The following MTUS2 variants were observed in gnomAD, a reference collection of about 807,000 sequenced individuals.
The protein encoded by MTUS2 is microtubule associated scaffold protein 2, also known as microtubule-associated tumor suppressor candidate 2.
A neutral mutation model predicts 114.1 loss-of-function variants in MTUS2; 40 were observed. That is an observed-to-expected ratio of 0.35 (90% CI 0.27 to 0.46). The LOEUF (loss-of-function observed/expected upper bound fraction) is 0.46. Among genes scored for constraint, MTUS2 ranks in the 20% least tolerant of loss-of-function variants. The pLI, the probability that MTUS2 is intolerant of heterozygous loss-of-function variation, is 1.00. For missense variants in MTUS2, 1,679 were observed against 1,705.4 expected (o/e 0.98, Z 0.27); for synonymous variants, 688 against 672.0 (o/e 1.02, Z -0.37).
chr13:29,326,214 C>T (rs1200386873), intron 7 of MTUS2, among the ~76,000 whole-genome samples: 1 of 152,162 alleles, frequency 6.6e-6, no homozygotes, highest in African/African-American at 2.4e-5. Context: ...CAAGCCCTCC[C>T]CCAGGAACCT....
At chr13:29,367,390 A>G (rs1055412202) in intron 8 of MTUS2, among the ~76,000 whole-genome samples, 1 of 152,110 alleles carries the variant, frequency 6.6e-6, no homozygotes, top group African/African-American at 2.4e-5. Flanking sequence ...ATGGTGGGGA[A>G]TGAGGCTGAA....
intron 6 of MTUS2, among the ~76,000 whole-genome samples, chr13:29,284,461 G>A (rs144409647): frequency 1.3e-5 from 2 of 151,784 alleles, no homozygotes; most frequent in South Asian, 4.2e-4. Context: ...AGACTAAGAG[G>A]TACAGGTTAC....
chr13:28,939,609 C>G (rs1355792488), intron 2 of MTUS2, among the ~76,000 whole-genome samples: 1 of 151,970 alleles, frequency 6.6e-6, no homozygotes, highest in Non-Finnish European at 1.5e-5. Context: ...GTTATTGGTT[C>G]AGGATCAATT....
At chr13:29,159,258 TTAA>T (rs1892995608) in intron 5 of MTUS2, among the ~76,000 whole-genome samples, 1 of 152,202 alleles carries the variant, frequency 6.6e-6, no homozygotes, top group Non-Finnish European at 1.5e-5. Context: ...CGTACTAAAA[TTAA>T]TAGGTGATTT....
chr13:29,435,794 C>G (rs1877360724), intron 8 of MTUS2, among the ~76,000 whole-genome samples: 1 of 152,212 alleles, frequency 6.6e-6, no homozygotes, highest in African/African-American at 2.4e-5. Context: ...ATTTCAAAAA[C>G]AAGCACTTAT....
intron 7 of MTUS2, among the ~76,000 whole-genome samples, chr13:29,333,183 A>G (rs568363747): frequency 6.6e-6 from 1 of 152,028 alleles, no homozygotes; most frequent in South Asian, 2.1e-4. Context: ...TGCAGTTTTG[A>G]GTGAGTTTCT....
chr13:29,245,750 G>T (rs1460146872), intron 5 of MTUS2, among the ~76,000 whole-genome samples: 1 of 144,870 alleles, frequency 6.9e-6, no homozygotes, highest in African/African-American at 2.6e-5. Flanking sequence ...AGGCTGGAGT[G>T]CAGTGGCACG....
At chr13:28,894,422 A>G (rs1006768228) in intron 2 of MTUS2, among the ~76,000 whole-genome samples, 3 of 151,586 alleles carry the variant, frequency 2.0e-5, no homozygotes, top group Admixed American at 2.0e-4. Context: ...GAGGTTGACC[A>G]TCTGCAAGCC....
chr13:29,123,810 G>A (rs1234760713), intron 5 of MTUS2, among the ~76,000 whole-genome samples: 1 of 152,162 alleles, frequency 6.6e-6, no homozygotes, highest in Admixed American at 6.5e-5. Flanking sequence ...TCTCCTTAAA[G>A]GGTAAAACCC....
At chr13:29,274,265 C>T (rs1276413396) in intron 5 of MTUS2, among the ~76,000 whole-genome samples, 2 of 152,110 alleles carry the variant, frequency 1.3e-5, no homozygotes, top group African/African-American at 2.4e-5. Flanking sequence ...AGGTGCCCGC[C>T]ACAACTGGCT....
chr13:29,241,454 C>T (rs1399398146), intron 5 of MTUS2, among the ~76,000 whole-genome samples: 2 of 152,162 alleles, frequency 1.3e-5, no homozygotes. Context: ...TTCCCAGCAT[C>T]TAGCACAACG....
At chr13:29,191,749 T>C (rs994835094) in intron 5 of MTUS2, among the ~76,000 whole-genome samples, 2 of 152,076 alleles carry the variant, frequency 1.3e-5, no homozygotes, top group Non-Finnish European at 2.9e-5. Flanking sequence ...CGAAGAAAAA[T>C]AAATAACTCA....
chr13:29,467,961 C>A (rs558539664), intron 9 of MTUS2, among the ~76,000 whole-genome samples: 6 of 151,986 alleles, frequency 3.9e-5, no homozygotes, highest in African/African-American at 1.2e-4. Context: ...CAAGAAAATA[C>A]AAAAATTAGC....
chr13:29,128,818 G>C (rs568841230), intron 5 of MTUS2, among the ~76,000 whole-genome samples: 11 of 152,192 alleles, frequency 7.2e-5, no homozygotes, highest in African/African-American at 2.6e-4. Flanking sequence ...TTTGATCCAT[G>C]TCTGGGTGTT....
chr13:28,986,949 G>A (rs1362638395), intron 2 of MTUS2, among the ~76,000 whole-genome samples: 2 of 152,222 alleles, frequency 1.3e-5, no homozygotes, highest in Non-Finnish European at 2.9e-5. Flanking sequence ...CTCACAGAAA[G>A]TTGGCTGGAC....
chr13:28,977,766 T>G (rs1884182055), intron 2 of MTUS2, among the ~76,000 whole-genome samples: 1 of 152,214 alleles, frequency 6.6e-6, no homozygotes, highest in Non-Finnish European at 1.5e-5. Flanking sequence ...CTAATTTGGT[T>G]TTCAGCTGGT....
At chr13:29,104,222 T>C (rs1890556810) in intron 5 of MTUS2, among the ~76,000 whole-genome samples, 1 of 152,142 alleles carries the variant, frequency 6.6e-6, no homozygotes, top group African/African-American at 2.4e-5. Context: ...CACAGGGAAA[T>C]GAATTATGTT....
intron 5 of MTUS2, among the ~76,000 whole-genome samples, chr13:29,234,764 C>T (rs1896468790): frequency 6.6e-6 from 1 of 152,066 alleles, no homozygotes; most frequent in Non-Finnish European, 1.5e-5. Flanking sequence ...TCTTCTATTC[C>T]CCACAACCCC....
At chr13:28,972,848 A>AT (rs1883915424) in intron 2 of MTUS2, among the ~76,000 whole-genome samples, 1 of 152,082 alleles carries the variant, frequency 6.6e-6, no homozygotes, top group African/African-American at 2.4e-5. Context: ...ATTTTTTTGC[A>AT]TTTGCTGCAG....
Sources: allele counts gnomAD v4.1 joint callset (sites outside exome capture counted in the v4.1 genomes callset), GRCh38; gene constraint gnomAD v4.1.1; transcripts MANE v1.5; gene names NCBI Gene and HGNC (gene_info 2026-07-23, HGNC 2026-07-21).